The following COL9A2 variants were observed in gnomAD, a reference collection of about 807,000 sequenced individuals.
COL9A2 encodes the protein collagen alpha-2(IX) chain.
COL9A2 carries 66 observed loss-of-function variants against 111.6 expected under a neutral mutation model. That is an observed-to-expected ratio of 0.59 (90% CI 0.48 to 0.73). The LOEUF is 0.73. COL9A2 is among the 30% of genes least tolerant of loss of function. COL9A2 has a pLI of 0.00. For synonymous variants in COL9A2, 353 were observed against 364.1 expected, an observed-to-expected ratio of 0.97 and a Z score of 0.35; for missense variants, 881 against 954.1, an observed-to-expected ratio of 0.92 and a Z score of 1.01.
Position 40,312,787 on chromosome 1 carries a change from G to T in COL9A2, c.250-3C>A. 2.6e-6 allele frequency: 4 copies of T among 1,550,868 alleles called. No individual in the cohort carries two copies. The highest frequency in any genetic ancestry group is 3.5e-6 in the Non-Finnish European group (4 of 1,146,856). On this transcript the variant is annotated splice_polypyrimidine_tract_variant and splice_region_variant and intron_variant, in intron 4 of 31. Transcript: ENST00000372748. This position sits in a 1 kb window ranked among gnomAD's most constrained non-coding sequence, Gnocchi z 6.0. ...TCCCCCTTGGCTCCAGTTAAACCCT[G>T]GGGAAGAATGAAAATGTAGGATCAA... is the stretch of plus-strand genomic sequence containing the variant.
At chr1:40,309,844 C>T in intron 16 of COL9A2, 94 bp downstream of exon 16, 1 of 1,212,416 alleles carries the variant, frequency 8.2e-7, no homozygotes, top group South Asian at 1.2e-5. Context: ...CGCACACACT[C>T]ATGCACTCTC....
At position 40,307,385 on chromosome 1, in the gene COL9A2, G is replaced by T; in HGVS notation, c.1008+61C>A. 1.3e-6 allele frequency: 2 copies of T among 1,513,474 alleles called. No homozygotes were observed. The highest frequency in any genetic ancestry group is 1.8e-6 in the Non-Finnish European group (2 of 1,096,582). The allele number at this position is 1,513,474 out of a possible 1,614,324, so 93.8% of individuals were successfully genotyped here. The stretch of plus-strand genomic sequence containing the variant: ...TGAGCAAGAGCCCCGGGTGTGTGTG[G>T]ATTCTAACCTCATCAGCCACTAGCC... On this transcript the variant is annotated intron_variant, in intron 19 of 31. Transcript: ENST00000372748. This position sits in a 1 kb window ranked among gnomAD's most constrained non-coding sequence, Gnocchi z 4.8.
rs369760080 is a variant in COL9A2, at chr1:40,310,015, T to C, written c.793-24A>G. On this transcript the variant is annotated intron_variant, in intron 15 of 31. Coordinates refer to ENST00000372748, the MANE Select transcript of COL9A2 (RefSeq NM_001852.4). This position sits in a 1 kb window ranked among gnomAD's most constrained non-coding sequence, Gnocchi z 4.9. ...CCCTGGCAAGAAAGACAAGCAGGAA[T>C]CCAGGTCACACAGGCTCAGGGGGAG... The C allele has an allele frequency of 3.6e-5, 58 of 1,614,046 alleles. No homozygotes were observed. The highest frequency in any genetic ancestry group is 4.7e-5 in the Non-Finnish European group (56 of 1,180,034).
chr1:40,304,153 C>G, intron 24 of COL9A2, 54 bp from the exon 25 acceptor site: 1 of 1,522,806 alleles, frequency 6.6e-7, no homozygotes, highest in South Asian at 1.2e-5. Context: ...CACGGGGTCC[C>G]CCACCTAACT....
chr1:40,316,873 G>A lies in COL9A2; in HGVS notation c.75+250C>T, dbSNP rs1644227320. Reference sequence around the variant, plus strand: ...CGGGCGCCAGCTCCTGCCCCACGCTGCCTGTCCCGGGCCGGGCCGCGCGTC... The same window carrying A: ...CGGGCGCCAGCTCCTGCCCCACGCTACCTGTCCCGGGCCGGGCCGCGCGTC... On this transcript the variant is annotated intron_variant, in intron 1 of 31. Transcript: ENST00000372748. This position sits in a 1 kb window ranked among gnomAD's most constrained non-coding sequence, Gnocchi z 5.5. 6.6e-6 allele frequency among the ~76,000 whole-genome samples: 1 copy of A among 152,188 alleles called. No individual in the cohort carries two copies. Among genetic ancestry groups the A allele is most frequent in the Admixed American group, 6.5e-5 (1 of 15,284 alleles).
In COL9A2 at chr1:40,304,699, A is replaced by G. The variant is rs541118849; in HGVS notation, c.1161+95T>C. 4 of 1,402,612 alleles carry G rather than the reference A, an allele frequency of 2.9e-6. No homozygotes were observed. In the African/African-American group the frequency reaches 4.3e-5, roughly 15 times the overall value. 86.9% of individuals were successfully genotyped at this position (1,402,612 alleles called of 1,614,324 possible). On this transcript the variant is annotated intron_variant, in intron 22 of 31. Transcript: ENST00000372748. ...AAGCAAACCTAGGCCCTGCCTGGGG[A>G]GGCATCTCACGGGCTGCACGGAGCA...
intron 16 of COL9A2, 81 bp from the exon 17 acceptor site, chr1:40,308,326 C>G: frequency 1.4e-6 from 2 of 1,443,278 alleles, no homozygotes; most frequent in Non-Finnish European, 1.9e-6. Context: ...CCACTGAGAA[C>G]AGTGGCCTCT....
Position 40,311,013 on chromosome 1 carries a change from A to G in COL9A2, c.630+80T>C. On this transcript the variant is annotated intron_variant, in intron 12 of 31. Transcript: ENST00000372748. This position sits in a 1 kb window ranked among gnomAD's most constrained non-coding sequence, Gnocchi z 5.1. The stretch of plus-strand genomic sequence containing the variant: ...TCCCCAGAACCCACAGGGGAAGGGG[A>G]AGGGACGAAGAAGGGGACAGAGCCC... 6.4e-7 allele frequency: 1 copy of G among 1,567,178 alleles called. No homozygotes were observed. Among genetic ancestry groups the G allele is most frequent in the Non-Finnish European group, 8.8e-7 (1 of 1,137,726 alleles).
chr1:40,315,520 C>A, intron 2 of COL9A2, 70 bp downstream of exon 2: 1 of 1,516,744 alleles, frequency 6.6e-7, no homozygotes, highest in Non-Finnish European at 8.9e-7. Flanking sequence ...CCCACCCCCA[C>A]CACAGCGCTC....
intron 19 of COL9A2, 95 bp from the exon 20 acceptor site, chr1:40,306,282 A>C: frequency 3.6e-6 from 5 of 1,392,582 alleles, no homozygotes; most frequent in Admixed American, 1.7e-5. Flanking sequence ...GATTTCCCCC[A>C]CCTGTGGGAG....
rs1319626957 is a variant in COL9A2, at chr1:40,314,192, C to T, written c.249+13G>A. 2.5e-6 allele frequency: 4 copies of T among 1,614,080 alleles called. No homozygotes were observed. Among genetic ancestry groups the T allele is most frequent in the African/African-American group, 1.3e-5 (1 of 74,942 alleles). Reference sequence around the variant, plus strand: ...GAGCCCTACCCTGCCCCACCCGACACTCAGCTACTCACATCAATCCCGGGC... The same window carrying T: ...GAGCCCTACCCTGCCCCACCCGACATTCAGCTACTCACATCAATCCCGGGC... On this transcript the variant is annotated intron_variant, in intron 4 of 31. Transcript: ENST00000372748. This position sits in a 1 kb window ranked among gnomAD's most constrained non-coding sequence, Gnocchi z 4.1.
chr1:40,306,272 G>A, intron 19 of COL9A2, 85 bp from the exon 20 acceptor site: 1 of 1,482,760 alleles, frequency 6.7e-7, no homozygotes, highest in Non-Finnish European at 9.4e-7. Flanking sequence ...CCCCAATCCA[G>A]ATTTCCCCCA....
chr1:40,305,822 C>T (rs548116260), intron 20 of COL9A2, 54 bp from the exon 21 acceptor site: 1 of 1,537,730 alleles, frequency 6.5e-7, no homozygotes, highest in Non-Finnish European at 9.0e-7. Context: ...GGCCCTTGGC[C>T]TCAGGGAAAC....
In COL9A2 at chr1:40,302,713, G is replaced by A; in HGVS notation, c.1700C>T (p.Pro567Leu). ...PPGPPGPPGY[P>L]GKQGPHGHPG... ...GTGCCCATGGGGGCCCTGCTTGCCT[G>A]GGTACCCAGGGGGCCCAGGAGGTCC... The change falls in exon 30 of 32, where the codon CCA (proline) becomes CTA (leucine). Residue 567 changes from proline (P) to leucine (L), a missense_variant. Coordinates refer to ENST00000372748, the MANE Select transcript of COL9A2 (RefSeq NM_001852.4). The surrounding 1 kb of genome is among the most constrained non-coding windows in gnomAD (Gnocchi z 4.5). The A allele has an allele frequency of 1.3e-6, 2 of 1,577,890 alleles. No homozygotes were observed. Among genetic ancestry groups the A allele is most frequent in the East Asian group, 4.7e-5 (2 of 42,562 alleles).
intron 31 of COL9A2, 61 bp downstream of exon 31, chr1:40,301,751 C>CGGGTGG: frequency 6.6e-7 from 1 of 1,516,264 alleles, no homozygotes; most frequent in Non-Finnish European, 9.1e-7. Flanking sequence ...CCGCAGTGTC[C>CGGGTGG]ACACGTCATT....
chr1:40,302,640 G>C lies in COL9A2; in HGVS notation c.1773C>G (p.Ile591Met), dbSNP rs374571094. 2.9e-5 allele frequency: 46 copies of C among 1,603,402 alleles called. No individual in the cohort carries two copies. The highest frequency in any genetic ancestry group is 3.7e-5 in the Non-Finnish European group (43 of 1,176,594). The change falls in exon 30 of 32, where the codon ATC becomes ATG. Residue 591 changes from isoleucine (I) to methionine (M), a missense_variant. Coordinates refer to ENST00000372748, the MANE Select transcript of COL9A2 (RefSeq NM_001852.4). This position sits in a 1 kb window ranked among gnomAD's most constrained non-coding sequence, Gnocchi z 4.5. Reference protein sequence around the residue: ...VPGIVGAVGQIGNTGPKGKRG... With the variant: ...VPGIVGAVGQMGNTGPKGKRG... ...ACTCACCCTTGGGCCCCGTGTTGCCGATCTGACCCACGGCTCCCACGATGC... is the reference window on the plus strand; with the variant it reads ...ACTCACCCTTGGGCCCCGTGTTGCCCATCTGACCCACGGCTCCCACGATGC...
At chr1:40,305,000 G>A in intron 21 of COL9A2, 153 bp from the exon 22 acceptor site, 1 of 474,480 alleles carries the variant, frequency 2.1e-6, no homozygotes, top group South Asian at 2.3e-5. Context: ...GGTCCCTGTA[G>A]TTTTCTTTCA....
chr1:40,310,090 G>A lies in COL9A2; in HGVS notation c.792+21C>T, dbSNP rs1175739246. ...TGTAGGAGCTCCAGCCTCAGGGGTA[G>A]GGGAGCAAAAAGAGGCTTACCGGTG... On this transcript the variant is annotated intron_variant, in intron 15 of 31. Transcript: ENST00000372748. This position sits in a 1 kb window ranked among gnomAD's most constrained non-coding sequence, Gnocchi z 4.9. 6 of 1,613,878 alleles carry A rather than the reference G, an allele frequency of 3.7e-6. No homozygotes were observed. The highest frequency in any genetic ancestry group is 5.1e-6 in the Non-Finnish European group (6 of 1,179,878).
chr1:40,303,814 T>C lies in COL9A2; in HGVS notation c.1394A>G (p.Lys465Arg), dbSNP rs1643958824. Residue 465 changes from lysine (K) to arginine (R), a missense_variant, in exon 27 of 32, where the codon AAG becomes AGG. Lys to Arg is a conservative substitution (Grantham distance 26). Coordinates refer to ENST00000372748, the MANE Select transcript of COL9A2 (RefSeq NM_001852.4). The surrounding 1 kb of genome is among the most constrained non-coding windows in gnomAD (Gnocchi z 4.6). ...CGGGAGGGGAGGACTCACCTGTCCCTTGGGCCCCGGCTCGCCGGACTCGCC... is the reference window on the plus strand; with the variant it reads ...CGGGAGGGGAGGACTCACCTGTCCCCTGGGCCCCGGCTCGCCGGACTCGCC... ...EKGESGEPGP[K>R]GQQGVRGEPG... 4 of 1,563,868 alleles carry C rather than the reference T, an allele frequency of 2.6e-6. No individual in the cohort carries two copies. Among genetic ancestry groups the C allele is most frequent in the Middle Eastern group, 1.9e-4 (1 of 5,172 alleles).
Sources: allele counts gnomAD v4.1 joint callset (sites outside exome capture counted in the v4.1 genomes callset), GRCh38; gene constraint gnomAD v4.1.1; non-coding constraint Gnocchi (gnomAD v3.1); transcripts MANE v1.5; gene names NCBI Gene and HGNC (gene_info 2026-07-23, HGNC 2026-07-21).